Variants in SFMBT1 observed in about 807,000 individuals in gnomAD.
The protein encoded by SFMBT1 is Scm like with four mbt domains 1.
Under a neutral mutation model 108.7 loss-of-function variants are expected in SFMBT1, and 32 were observed. The ratio of observed to expected loss-of-function variants is 0.29; its 90% CI spans 0.22 to 0.40. The LOEUF is 0.40. Among genes scored for constraint, SFMBT1 ranks in the 10% least tolerant of loss-of-function variants. The pLI, the probability that SFMBT1 is intolerant of heterozygous loss-of-function variation, is 1.00. For synonymous variants in SFMBT1, 348 were observed against 369.5 expected (o/e 0.94, Z 0.67); for missense variants, 816 against 1,059.6 (o/e 0.77, Z 3.19).
chr3:52,983,832 C>T (rs565545533), intron 1 of SFMBT1, among the ~76,000 whole-genome samples: 1 of 152,292 alleles, frequency 6.6e-6, no homozygotes, highest in East Asian at 1.9e-4. Flanking sequence ...AACTTGCAGG[C>T]TGCTGTGAAG....
intron 2 of SFMBT1, among the ~76,000 whole-genome samples, chr3:52,966,336 A>AAT (rs1214815068): frequency 3.1e-5 from 3 of 97,788 alleles, no homozygotes; most frequent in East Asian, 3.2e-4. Flanking sequence ...AGAAAAAAAA[A>AAT]AGGACTAAAG....
At chr3:52,982,677 T>C (rs1275262861) in intron 1 of SFMBT1, among the ~76,000 whole-genome samples, 6 of 132,100 alleles carry the variant, frequency 4.5e-5, no homozygotes, top group Admixed American at 3.6e-4. Context: ...TGAAGTAAGC[T>C]GAGATCGCGG....
In SFMBT1 at chr3:52,907,667, G is replaced by A. The variant is rs774774896; in HGVS notation, c.1973C>T (p.Ala658Val). ...GRPPGGHSNL[A>V]CALKKASKRR... Reference sequence around the variant, plus strand: ...CTTACTGGCTTTTTTCAGGGCACAAGCTAAGTTACTATGCCCACCAGGTGG... The same window carrying A: ...CTTACTGGCTTTTTTCAGGGCACAAACTAAGTTACTATGCCCACCAGGTGG... Residue 658 changes from alanine (A) to valine (V), a missense_variant, in exon 18 of 21, where the codon GCT becomes GTT. This residue lies in a region of SFMBT1 where 177 missense variants were observed against 182.0 expected (regional missense o/e 0.97). Transcript: ENST00000394752. 2 of 1,614,170 alleles carry A rather than the reference G, an allele frequency of 1.2e-6. No individual in the cohort carries two copies. Among genetic ancestry groups the A allele is most frequent in the Non-Finnish European group, 1.7e-6 (2 of 1,180,024 alleles).
At chr3:52,965,781 C>T (rs1373838442) in intron 2 of SFMBT1, among the ~76,000 whole-genome samples, 10 of 151,676 alleles carry the variant, frequency 6.6e-5, no homozygotes, top group Non-Finnish European at 1.5e-4. Flanking sequence ...CCGAGGCGGG[C>T]AGATCACAAG....
intron 2 of SFMBT1, among the ~76,000 whole-genome samples, chr3:52,965,921 G>C (rs180960998): frequency 0.043 from 6,360 of 146,962 alleles, 176 homozygotes; most frequent in Non-Finnish European, 0.064. Flanking sequence ...CAGGAGAATG[G>C]CGTGAACCCG....
At chr3:52,968,437 T>C (rs947509364) in intron 2 of SFMBT1, among the ~76,000 whole-genome samples, 2 of 152,108 alleles carry the variant, frequency 1.3e-5, no homozygotes, top group Admixed American at 1.3e-4. Context: ...TTATATCATA[T>C]TATAGTAACT....
chr3:52,984,254 G>A (rs915042463), intron 1 of SFMBT1, among the ~76,000 whole-genome samples: 1 of 152,206 alleles, frequency 6.6e-6, no homozygotes, highest in Non-Finnish European at 1.5e-5. Context: ...GTTTGTTCTT[G>A]GAGTTTTCAG....
intron 4 of SFMBT1, among the ~76,000 whole-genome samples, chr3:52,941,636 G>A (rs1012243652): frequency 6.7e-6 from 1 of 149,286 alleles, no homozygotes; most frequent in African/African-American, 2.5e-5. Context: ...GCCAGGTGTG[G>A]TGGTTCATGC....
chr3:52,936,847 T>G (rs968314514), intron 4 of SFMBT1, among the ~76,000 whole-genome samples: 1 of 152,076 alleles, frequency 6.6e-6, no homozygotes, highest in Admixed American at 6.5e-5. Context: ...CTAAGCTCTA[T>G]TTCCTTTCTA....
chr3:52,923,222 GATTA>G (rs1240638003), intron 10 of SFMBT1, among the ~76,000 whole-genome samples: 1 of 152,144 alleles, frequency 6.6e-6, no homozygotes, highest in Non-Finnish European at 1.5e-5. Context: ...GTGGGGGGTG[GATTA>G]ATTAACAGCC....
At chr3:52,961,778 C>T (rs959169329) in intron 2 of SFMBT1, among the ~76,000 whole-genome samples, 4 of 152,098 alleles carry the variant, frequency 2.6e-5, no homozygotes, top group African/African-American at 9.7e-5. Context: ...AAAGTACAGG[C>T]CAGCAGAAAG....
At chr3:52,985,754 T>G (rs1704883682) in intron 1 of SFMBT1, among the ~76,000 whole-genome samples, 1 of 152,208 alleles carries the variant, frequency 6.6e-6, no homozygotes, top group Non-Finnish European at 1.5e-5. Flanking sequence ...GCCCCTAGGC[T>G]ACAAACCTGT....
intron 1 of SFMBT1, among the ~76,000 whole-genome samples, chr3:53,013,760 C>G (rs2106932082): frequency 6.7e-6 from 1 of 149,758 alleles, no homozygotes; most frequent in South Asian, 2.1e-4. Context: ...TCCCAAGTAG[C>G]TAGGATTACA....
intron 1 of SFMBT1, among the ~76,000 whole-genome samples, chr3:52,977,495 A>G (rs1704557622): frequency 6.6e-6 from 1 of 152,084 alleles, no homozygotes; most frequent in Non-Finnish European, 1.5e-5. Flanking sequence ...ACAGTGTGAG[A>G]CTTCGTATCA....
At chr3:52,927,800 G>A (rs1017474989) in intron 9 of SFMBT1, among the ~76,000 whole-genome samples, 1 of 152,046 alleles carries the variant, frequency 6.6e-6, no homozygotes, top group Non-Finnish European at 1.5e-5. Flanking sequence ...TCTAACTCTG[G>A]CTCTACGGCC....
At chr3:53,040,016 A>C (rs59515578) in intron 1 of SFMBT1, among the ~76,000 whole-genome samples, 11,509 of 152,222 alleles carry the variant, frequency 0.076, 1,192 homozygotes, top group African/African-American at 0.22. Context: ...TCAAAATGAG[A>C]CCAAAAGGTA....
At chr3:52,941,549 G>A (rs11717715) in intron 4 of SFMBT1, among the ~76,000 whole-genome samples, 13,564 of 129,254 alleles carry the variant, frequency 0.1, 649 homozygotes, top group Middle Eastern at 0.16. Flanking sequence ...AGCTGAGATT[G>A]CGCCATTGCA....
At chr3:52,923,283 T>C (rs145397014) in intron 10 of SFMBT1, among the ~76,000 whole-genome samples, 1 of 152,182 alleles carries the variant, frequency 6.6e-6, no homozygotes, top group East Asian at 1.9e-4. Flanking sequence ...AAGAATAGTA[T>C]GATATTAAAA....
At chr3:53,028,576 G>A (rs543306405) in intron 1 of SFMBT1, among the ~76,000 whole-genome samples, 1 of 152,244 alleles carries the variant, frequency 6.6e-6, no homozygotes, top group East Asian at 1.9e-4. Context: ...GGGAGGCTGA[G>A]ATGGGAAAAC....
Sources: allele counts gnomAD v4.1 joint callset (sites outside exome capture counted in the v4.1 genomes callset), GRCh38; gene constraint gnomAD v4.1.1; regional missense constraint gnomAD v4.1.1; transcripts MANE v1.5; gene names NCBI Gene and HGNC (gene_info 2026-07-23, HGNC 2026-07-21).